The following NRXN3 variants were observed in gnomAD, a reference collection of about 807,000 sequenced individuals.
NRXN3 encodes neurexin 3, also known as neurexin III.
A neutral mutation model predicts 137.6 loss-of-function variants in NRXN3; 32 were observed. The observed-to-expected ratio is 0.23, with a 90% CI of 0.18 to 0.31. NRXN3 has a LOEUF of 0.31. Ranked by LOEUF, NRXN3 falls within the 10% of genes least tolerant of loss-of-function variation. The pLI is 1.00. For synonymous variants in NRXN3, 798 were observed against 784.5 expected, an observed-to-expected ratio of 1.02 and a Z score of -0.29; for missense variants, 1,574 against 2,062.5, an observed-to-expected ratio of 0.76 and a Z score of 4.59.
At position 78,327,774 on chromosome 14, in the gene NRXN3, G is replaced by A. The variant is rs78955636; in HGVS notation, c.757+29914G>A. Among the ~76,000 whole-genome samples the A allele has an allele frequency of 3.5e-3, 529 of 152,242 alleles. 2 individuals are homozygous for A. The highest frequency in any genetic ancestry group is 0.012 in the African/African-American group (496 of 41,534). Reference sequence around the variant, plus strand: ...AGAAGAAGTATATACTACATCAGGCGGTGATAAATGCTACAAAGAAAGATA... The same window carrying A: ...AGAAGAAGTATATACTACATCAGGCAGTGATAAATGCTACAAAGAAAGATA... On this transcript the variant is annotated intron_variant, in intron 4 of 20. Coordinates refer to ENST00000335750, the MANE Select transcript of NRXN3 (RefSeq NM_001330195.2).
At chr14:78,309,505 C>T (rs1385589765) in intron 4 of NRXN3, among the ~76,000 whole-genome samples, 1 of 151,514 alleles carries the variant, frequency 6.6e-6, no homozygotes, top group Admixed American at 6.6e-5. Context: ...TCTTGGTGTC[C>T]ATGTGTACTC....
intron 19 of NRXN3, among the ~76,000 whole-genome samples, chr14:79,779,441 A>G (rs950546414): frequency 1.2e-4 from 19 of 152,074 alleles, no homozygotes; most frequent in East Asian, 3.9e-4. Flanking sequence ...TATTACTGAG[A>G]TTGCTTTAAA....
chr14:78,336,277 A>G (rs1183957947), intron 4 of NRXN3, among the ~76,000 whole-genome samples: 1 of 152,156 alleles, frequency 6.6e-6, no homozygotes, highest in Non-Finnish European at 1.5e-5. Flanking sequence ...ATTATCTTTA[A>G]TGTGTTAATA....
At chr14:78,850,000 G>A (rs2099038302) in intron 10 of NRXN3, among the ~76,000 whole-genome samples, 2 of 152,132 alleles carry the variant, frequency 1.3e-5, no homozygotes, top group South Asian at 4.1e-4. Flanking sequence ...ATGGAGAAGG[G>A]ATATAGAACT....
chr14:78,867,885 T>TTTATA (rs1486895334), intron 10 of NRXN3, among the ~76,000 whole-genome samples: 1 of 151,388 alleles, frequency 6.6e-6, no homozygotes, highest in African/African-American at 2.4e-5. Context: ...GTGTATAAGT[T>TTTATA]TTATATAAAT....
At chr14:79,001,361 C>T (rs1159047157) in intron 15 of NRXN3, among the ~76,000 whole-genome samples, 3 of 152,172 alleles carry the variant, frequency 2.0e-5, no homozygotes, top group Admixed American at 6.6e-5. Flanking sequence ...GACCTCTTCT[C>T]AATGTAGTCC....
chr14:78,406,899 CT>C (rs779192616), intron 4 of NRXN3, among the ~76,000 whole-genome samples: 1 of 152,094 alleles, frequency 6.6e-6, no homozygotes, highest in Non-Finnish European at 1.5e-5. Flanking sequence ...TGGTCTGAGG[CT>C]GCATATACCC....
rs1390739933 is a variant in NRXN3 at position 78,988,050 on chromosome 14, A to G, written c.3171A>G (p.Ser1057=). 3.7e-6 allele frequency: 6 copies of G among 1,613,728 alleles called. No individual in the cohort carries two copies. The African/African-American group carries it at 5.3e-5, about 14-fold the overall frequency. ...CCAGTACCACCTGCCAGGAAGATTC[A>G]TGTGCCAACCAGGGGGTCTGCATGC... ...EGPSTTCQED[S]CANQGVCMQQ... Residue 1057 remains serine, a synonymous_variant, in exon 15 of 21, where the codon TCA becomes TCG. Coordinates refer to ENST00000335750, the MANE Select transcript of NRXN3 (RefSeq NM_001330195.2).
chr14:78,639,825 A>G (rs377697700), intron 4 of NRXN3, among the ~76,000 whole-genome samples: 14 of 152,314 alleles, frequency 9.2e-5, no homozygotes, highest in African/African-American at 2.6e-4. Context: ...TGTAAACTCT[A>G]TGTGTCTCTA....
intron 15 of NRXN3, among the ~76,000 whole-genome samples, chr14:79,224,172 T>A (rs1043805675): frequency 1.3e-5 from 2 of 152,136 alleles, no homozygotes; most frequent in Non-Finnish European, 2.9e-5. Context: ...ATTTTTTTCC[T>A]ATGGTGATTG....
At chr14:78,419,583 C>T (rs1015604096) in intron 4 of NRXN3, among the ~76,000 whole-genome samples, 10 of 152,122 alleles carry the variant, frequency 6.6e-5, no homozygotes, top group African/African-American at 2.4e-4. Flanking sequence ...AGTCAGTTTT[C>T]ACCTCTTCCC....
chr14:78,186,563 C>A (rs957900717), intron 1 of NRXN3, among the ~76,000 whole-genome samples: 1 of 152,208 alleles, frequency 6.6e-6, no homozygotes, highest in African/African-American at 2.4e-5. Flanking sequence ...GGTGGTTATG[C>A]GCTCTGGACT....
intron 4 of NRXN3, among the ~76,000 whole-genome samples, chr14:78,417,180 C>G (rs1371625171): frequency 6.6e-6 from 1 of 152,248 alleles, no homozygotes; most frequent in East Asian, 1.9e-4. Flanking sequence ...CTTAGCTTAG[C>G]TTACAAGGCT....
intron 19 of NRXN3, among the ~76,000 whole-genome samples, chr14:79,708,387 C>CCAAT (rs1218139111): frequency 3.3e-5 from 5 of 152,040 alleles, no homozygotes; most frequent in East Asian, 3.9e-4. Flanking sequence ...GGTCCTGGAA[C>CCAAT]CAATCAATCC....
chr14:78,230,272 G>A (rs967727116), intron 1 of NRXN3, among the ~76,000 whole-genome samples: 3 of 151,818 alleles, frequency 2.0e-5, no homozygotes, highest in Admixed American at 6.6e-5. Context: ...CAATCTGCCC[G>A]TCTTGGCCTC....
intron 10 of NRXN3, among the ~76,000 whole-genome samples, chr14:78,822,553 C>A (rs993683617): frequency 4.2e-4 from 64 of 151,762 alleles, no homozygotes; most frequent in Middle Eastern, 3.4e-3. Context: ...TGGACACCTG[C>A]AATCCCAGCT....
At chr14:79,803,929 G>A (rs1290604442) in intron 19 of NRXN3, among the ~76,000 whole-genome samples, 1 of 141,064 alleles carries the variant, frequency 7.1e-6, no homozygotes, top group Admixed American at 7.2e-5. Flanking sequence ...ATATATATGT[G>A]TGTGTATATA....
intron 15 of NRXN3, among the ~76,000 whole-genome samples, chr14:79,115,325 C>CAAAA (rs11426637): frequency 6.1e-5 from 8 of 131,154 alleles, no homozygotes; most frequent in African/African-American, 2.0e-4. Flanking sequence ...AACTCTGTCT[C>CAAAA]AAAAAAAAAA....
chr14:78,771,797 G>T (rs2098728985), intron 8 of NRXN3, among the ~76,000 whole-genome samples: 1 of 152,202 alleles, frequency 6.6e-6, no homozygotes, highest in South Asian at 2.1e-4. Context: ...AGAGACAGCT[G>T]TGCCCAGGCC....
Sources: gnomAD v4.1 joint callset for allele counts (sites outside exome capture counted in the v4.1 genomes callset) on GRCh38, gnomAD v4.1.1 for gene constraint, MANE v1.5 for transcripts, NCBI Gene and HGNC (gene_info 2026-07-23, HGNC 2026-07-21) for gene names.